PHF11: variants seen among roughly 807,000 people sequenced by gnomAD.
The protein encoded by PHF11 is BRCA1 C-terminus-associated protein.
A neutral mutation model predicts 40.5 loss-of-function variants in PHF11; 38 were observed. That is an observed-to-expected ratio of 0.94 (90% CI 0.72 to 1.23). The LOEUF is 1.23. PHF11 is among the 50% of genes most tolerant of loss of function. The pLI is 0.00. For synonymous variants in PHF11, 127 were observed against 138.2 expected (o/e 0.92, Z 0.57); for missense variants, 369 against 392.4 (o/e 0.94, Z 0.50).
chr13:49,526,552 TAGA>T (rs1959290727), intron 9 of PHF11, 94 bp downstream of exon 9: 1 of 756,350 alleles, frequency 1.3e-6, no homozygotes, highest in African/African-American at 1.8e-5. Context: ...AAAAATATTT[TAGA>T]AGAATGTTCA....
intron 8 of PHF11, chr13:49,526,058 A>G: frequency 3.0e-6 from 1 of 335,272 alleles, no homozygotes; most frequent in East Asian, 7.6e-5. Flanking sequence ...AATCCCAACT[A>G]CTTGGGAGGC....
chr13:49,524,755 C>A (rs190630412), intron 8 of PHF11, among the ~76,000 whole-genome samples: 1 of 152,228 alleles, frequency 6.6e-6, no homozygotes, highest in African/African-American at 2.4e-5. Flanking sequence ...GGATTACAGG[C>A]ATGAGCCACC....
rs1403273798 is a variant in PHF11, at chr13:49,522,125, T to A, written c.570+18T>A. 2.2e-6 allele frequency: 3 copies of A among 1,357,944 alleles called. No homozygotes were observed. Among genetic ancestry groups the A allele is most frequent in the Middle Eastern group, 1.8e-4 (1 of 5,582 alleles). The allele number at this position is 1,357,944 out of a possible 1,614,324, so 84.1% of individuals were successfully genotyped here. A position where few individuals can be genotyped will look rare whatever the true frequency, so the allele number is the denominator to read the frequency against. On this transcript the variant is annotated intron_variant, in intron 6 of 9. Coordinates refer to ENST00000378319, the MANE Select transcript of PHF11 (RefSeq NM_001040443.3). ...ATGTACAGGTAATTTGACTTAGTTT[T>A]TATAGCTTTGCATTTCTTCATACAG...
chr13:49,504,580 C>T (rs1242535508), intron 1 of PHF11, among the ~76,000 whole-genome samples: 6 of 131,174 alleles, frequency 4.6e-5, no homozygotes, highest in Admixed American at 3.8e-4. Flanking sequence ...CCGCCCCGTC[C>T]GGGAGGGAGG....
chr13:49,501,304 C>T (rs150887235), intron 1 of PHF11, among the ~76,000 whole-genome samples: 2,835 of 152,154 alleles, frequency 0.019, 96 homozygotes, highest in African/African-American at 0.062. Context: ...TGAGCCACTA[C>T]GCCCAGCCCC....
rs1566183381 is a variant in PHF11, at chr13:49,497,143, C to T, written c.94+1048C>T. On this transcript the variant is annotated intron_variant, in intron 1 of 9. Transcript: ENST00000378319. ...AGGCACCAAACCACAAAACGTCACA[C>T]GTAAACATCATACGTGGCAACCACA... is the stretch of plus-strand genomic sequence containing the variant. The T allele has an allele frequency of 3.9e-6, 5 of 1,289,368 alleles. No individual in the cohort carries two copies. The South Asian group carries it at 4.9e-5, about 13-fold the overall frequency. 79.9% of individuals were successfully genotyped at this position (1,289,368 alleles called of 1,614,324 possible).
chr13:49,496,304 G>T, intron 1 of PHF11: 1 of 813,010 alleles, frequency 1.2e-6, no homozygotes, highest in Non-Finnish European at 1.6e-6. Context: ...ACAGGGCGCG[G>T]CCCAGGCCAG....
At chr13:49,512,946 C>A (rs1473274091) in intron 2 of PHF11, 113 bp from the exon 3 acceptor site, 2 of 619,106 alleles carry the variant, frequency 3.2e-6, no homozygotes, top group African/African-American at 3.7e-5. Context: ...ACTGTTTTAC[C>A]CCCAGTCCAT....
At chr13:49,517,354 T>C (rs1959166077) in intron 3 of PHF11, among the ~76,000 whole-genome samples, 1 of 152,170 alleles carries the variant, frequency 6.6e-6, no homozygotes, top group African/African-American at 2.4e-5. Flanking sequence ...CTAAACCAGT[T>C]AGGCTGCTGT....
chr13:49,510,023 G>A (rs1959062196), intron 2 of PHF11, among the ~76,000 whole-genome samples: 1 of 152,066 alleles, frequency 6.6e-6, no homozygotes, highest in South Asian at 2.1e-4. Context: ...GTGTGTGTGT[G>A]TGTGTGTGCT....
At chr13:49,508,808 G>A (rs1054857387) in intron 2 of PHF11, among the ~76,000 whole-genome samples, 2 of 151,886 alleles carry the variant, frequency 1.3e-5, no homozygotes, top group African/African-American at 2.4e-5. Flanking sequence ...CAATTATAGC[G>A]GTGATTACAA....
chr13:49,519,307 A>G (rs966541648), intron 4 of PHF11, among the ~76,000 whole-genome samples: 1 of 152,258 alleles, frequency 6.6e-6, no homozygotes, highest in African/African-American at 2.4e-5. Flanking sequence ...TTACCTTACC[A>G]AAGAGCTCGT....
intron 3 of PHF11, among the ~76,000 whole-genome samples, chr13:49,515,554 C>T (rs1026442414): frequency 6.6e-6 from 1 of 151,714 alleles, no homozygotes; most frequent in African/African-American, 2.4e-5. Flanking sequence ...TATCCATTTG[C>T]CCAAGCCAGA....
intron 9 of PHF11, 77 bp downstream of exon 9, chr13:49,526,535 A>G: frequency 1.3e-6 from 1 of 796,204 alleles, no homozygotes; most frequent in Non-Finnish European, 2.1e-6. Context: ...TATACTGTAC[A>G]GGTGATAAAA....
At chr13:49,497,090 G>A in intron 1 of PHF11, 1 of 1,283,632 alleles carries the variant, frequency 7.8e-7, no homozygotes, top group East Asian at 5.6e-5. Context: ...AAGTTGAAGG[G>A]GTGTTCCCAG....
chr13:49,500,781 C>T (rs1404371439), intron 1 of PHF11, among the ~76,000 whole-genome samples: 4 of 152,238 alleles, frequency 2.6e-5, no homozygotes, highest in South Asian at 2.1e-4. Flanking sequence ...CTGTATTCCC[C>T]GTTGTCAGAG....
intron 5 of PHF11, 28 bp downstream of exon 5, chr13:49,520,968 G>T: frequency 6.5e-7 from 1 of 1,545,078 alleles, no homozygotes; most frequent in South Asian, 1.2e-5. Context: ...AGCACTGTGG[G>T]TTTTAAAGAA....
At chr13:49,498,846 A>C (rs1003566290) in intron 1 of PHF11, among the ~76,000 whole-genome samples, 1 of 152,200 alleles carries the variant, frequency 6.6e-6, no homozygotes, top group Non-Finnish European at 1.5e-5. Context: ...ACATATAAAC[A>C]TGTGAGTGCA....
chr13:49,524,564 TCC>T (rs67307832), intron 8 of PHF11, among the ~76,000 whole-genome samples: 1 of 151,712 alleles, frequency 6.6e-6, no homozygotes, highest in East Asian at 1.9e-4. Context: ...AGCCTCTGCC[TCC>T]CAAGTTCAAG....
Sources: gnomAD v4.1 joint callset for allele counts (sites outside exome capture counted in the v4.1 genomes callset) on GRCh38, gnomAD v4.1.1 for gene constraint, MANE v1.5 for transcripts, NCBI Gene and HGNC (gene_info 2026-07-23, HGNC 2026-07-21) for gene names.